CCT7: variants seen among roughly 807,000 people sequenced by gnomAD.
The protein encoded by CCT7 is T-complex protein 1 subunit eta.
In CCT7, 16 loss-of-function variants were observed where a neutral mutation model predicts 56.6. The observed-to-expected ratio is 0.28, with a 90% CI of 0.19 to 0.43. CCT7 has a LOEUF of 0.43. Ranked by LOEUF, CCT7 falls within the 20% of genes least tolerant of loss-of-function variation. The pLI is 1.00. For synonymous variants in CCT7, 262 were observed against 254.8 expected, an observed-to-expected ratio of 1.03 and a Z score of -0.27; for missense variants, 519 against 685.6, an observed-to-expected ratio of 0.76 and a Z score of 2.71.
At chr2:73,236,978 A>G (rs1179652462) in intron 1 of CCT7, among the ~76,000 whole-genome samples, 3 of 152,250 alleles carry the variant, frequency 2.0e-5, no homozygotes, top group African/African-American at 4.8e-5. Context: ...TCAAGAAGCC[A>G]GTGCTGTCAA....
intron 9 of CCT7, 137 bp from the exon 10 acceptor site, chr2:73,250,167 CTA>C: frequency 9.5e-7 from 1 of 1,055,046 alleles, no homozygotes; most frequent in East Asian, 2.4e-5. Context: ...AAGAAAATGT[CTA>C]TAAGGTTGGG....
At chr2:73,247,734 C>A (rs1477098519) in intron 6 of CCT7, 28 bp from the exon 7 acceptor site, 3 of 1,608,016 alleles carry the variant, frequency 1.9e-6, no homozygotes, top group African/African-American at 2.7e-5. Context: ...AGTACCAAAC[C>A]ATTAAAGTGT....
chr2:73,243,253 A>G, intron 4 of CCT7, 124 bp downstream of exon 4: 3 of 993,298 alleles, frequency 3.0e-6, no homozygotes, highest in Non-Finnish European at 4.5e-6. Flanking sequence ...ATTTTCTGAC[A>G]TCTCCTTAGT....
Position 73,251,305 on chromosome 2 carries a change from C to T in CCT7, c.1283C>T (p.Pro428Leu), listed in dbSNP as rs376057407. ...KYLRDYSRTIPGKQQLLIGAY... is the reference protein window; with the variant it reads ...KYLRDYSRTILGKQQLLIGAY... ...CTGCGGGATTACTCAAGGACTATTCCAGGAAAACAGCAGCTGTTGATTGGG... is the reference window on the plus strand; with the variant it reads ...CTGCGGGATTACTCAAGGACTATTCTAGGAAAACAGCAGCTGTTGATTGGG... Residue 428 changes from proline to leucine, a missense_variant, in exon 11 of 12, where the codon CCA becomes CTA. Pro to Leu is a moderately conservative substitution (Grantham distance 98, BLOSUM62 -3). Around this residue, in one of 3 missense-constraint regions of CCT7, gnomAD observed 237 missense variants for 300.8 expected, o/e 0.79. Coordinates refer to ENST00000258091, the MANE Select transcript of CCT7 (RefSeq NM_006429.4). The T allele has an allele frequency of 1.7e-5, 28 of 1,614,072 alleles. No homozygotes were observed. Among genetic ancestry groups the T allele is most frequent in the Admixed American group, 3.3e-5 (2 of 60,000 alleles).
chr2:73,247,905 G>A lies in CCT7; in HGVS notation c.762G>A (p.Glu254=), dbSNP rs1406178575. Reference sequence around the variant, plus strand: ...TGAAAGCTGAGAAAGACAATGCTGAGATAAGAGTCCACACAGTTGAGGTAG... The same window carrying A: ...TGAAAGCTGAGAAAGACAATGCTGAAATAAGAGTCCACACAGTTGAGGTAG... The part of the protein sequence containing the change: ...LELKAEKDNA[E]IRVHTVEDYQ... The change falls in exon 7 of 12, where the codon GAG becomes GAA. Residue 254 remains glutamate, a synonymous_variant. Transcript: ENST00000258091. 1 of 1,614,154 alleles carries A rather than the reference G, an allele frequency of 6.2e-7. No homozygotes were observed. Among genetic ancestry groups the A allele is most frequent in the Non-Finnish European group, 8.5e-7 (1 of 1,180,016 alleles).
chr2:73,244,341 CTG>C (rs1687241360), intron 5 of CCT7: 1 of 605,392 alleles, frequency 1.7e-6, no homozygotes, highest in African/African-American at 1.8e-5. Flanking sequence ...AAGCTGTCGA[CTG>C]TAGTTTAAAA....
intron 1 of CCT7, among the ~76,000 whole-genome samples, chr2:73,235,085 G>A (rs1012237036): frequency 3.3e-5 from 5 of 152,162 alleles, no homozygotes; most frequent in African/African-American, 1.2e-4. Context: ...CTCGGACTCT[G>A]GTGACATAAG....
At chr2:73,251,490 T>C in intron 11 of CCT7, 58 bp downstream of exon 11, 1 of 1,438,582 alleles carries the variant, frequency 7.0e-7, no homozygotes, top group Non-Finnish European at 9.7e-7. Flanking sequence ...AGATTCTGAA[T>C]GTGAGCTGTG....
intron 5 of CCT7, 28 bp downstream of exon 5, chr2:73,244,077 T>A: frequency 6.2e-7 from 1 of 1,603,420 alleles, no homozygotes; most frequent in Non-Finnish European, 8.5e-7. Flanking sequence ...TTTTTTTTTT[T>A]TTTTTAAAGA....
chr2:73,247,745 T>C lies in CCT7; in HGVS notation c.619-17T>C, dbSNP rs1687405861. 1.2e-6 allele frequency: 2 copies of C among 1,611,680 alleles called. No individual in the cohort carries two copies. Among genetic ancestry groups the C allele is most frequent in the Admixed American group, 3.3e-5 (2 of 59,934 alleles). On this transcript the variant is annotated splice_polypyrimidine_tract_variant and intron_variant, in intron 6 of 11. Transcript: ENST00000258091. ...TGTTAGTACCAAACCATTAAAGTGTTTGTTTTTTTAAAACAGGATTCTCAG... is the reference window on the plus strand; with the variant it reads ...TGTTAGTACCAAACCATTAAAGTGTCTGTTTTTTTAAAACAGGATTCTCAG...
intron 11 of CCT7, 25 bp downstream of exon 11, chr2:73,251,457 T>TC: frequency 3.5e-6 from 3 of 868,316 alleles, no homozygotes; most frequent in Non-Finnish European, 5.5e-6. Context: ...TCCCCAGGGT[T>TC]CAGGGTTTGG....
At chr2:73,245,661 G>A (rs980905039) in intron 6 of CCT7, among the ~76,000 whole-genome samples, 3 of 152,046 alleles carry the variant, frequency 2.0e-5, no homozygotes, top group African/African-American at 4.8e-5. Flanking sequence ...ATTACTCTTC[G>A]TCAGTGACCT....
intron 3 of CCT7, 113 bp from the exon 4 acceptor site, chr2:73,242,891 G>C (rs1226209756): frequency 1.5e-6 from 2 of 1,296,366 alleles, no homozygotes; most frequent in Non-Finnish European, 2.2e-6. Context: ...AAAAAAGCTT[G>C]ACATCCATTT....
At chr2:73,236,224 G>A (rs1686877164) in intron 1 of CCT7, among the ~76,000 whole-genome samples, 1 of 152,240 alleles carries the variant, frequency 6.6e-6, no homozygotes, top group Non-Finnish European at 1.5e-5. Flanking sequence ...AAGCCATTAA[G>A]CTTAATGATG....
intron 1 of CCT7, among the ~76,000 whole-genome samples, chr2:73,236,080 T>C (rs950204444): frequency 1.3e-5 from 2 of 152,240 alleles, no homozygotes; most frequent in Admixed American, 1.3e-4. Context: ...AGAATACTTC[T>C]GTAATCGAAA....
At chr2:73,244,155 C>T in intron 5 of CCT7, 106 bp downstream of exon 5, 1 of 1,114,724 alleles carries the variant, frequency 9.0e-7, no homozygotes, top group Non-Finnish European at 1.3e-6. Flanking sequence ...CCACCTGCGA[C>T]TCCCAAAGTG....
At chr2:73,234,612 G>T (rs1272688237) in intron 1 of CCT7, among the ~76,000 whole-genome samples, 1 of 152,224 alleles carries the variant, frequency 6.6e-6, no homozygotes, top group Non-Finnish European at 1.5e-5. Context: ...TCTCTGGGCT[G>T]GCCGGTTGGG....
intron 1 of CCT7, among the ~76,000 whole-genome samples, 176 bp downstream of exon 1, chr2:73,234,560 C>T (rs1295683199): frequency 6.6e-6 from 1 of 152,058 alleles, no homozygotes; most frequent in Non-Finnish European, 1.5e-5. Flanking sequence ...CCGAGCACGG[C>T]GCTGGAGCCG....
At chr2:73,241,397 CTT>C (rs11312393) in intron 3 of CCT7, among the ~76,000 whole-genome samples, 4 of 147,582 alleles carry the variant, frequency 2.7e-5, no homozygotes, top group African/African-American at 5.0e-5. Flanking sequence ...CTATAGTAAC[CTT>C]TTTTTTTTTG....
Sources: allele counts gnomAD v4.1 joint callset (sites outside exome capture counted in the v4.1 genomes callset), GRCh38; gene constraint gnomAD v4.1.1; regional missense constraint gnomAD v4.1.1; transcripts MANE v1.5; gene names NCBI Gene and HGNC (gene_info 2026-07-23, HGNC 2026-07-21).